The following CFAP54 variants were observed in gnomAD, a reference collection of about 807,000 sequenced individuals.
The protein encoded by CFAP54 is cilia and flagella associated protein 54.
CFAP54 carries 290 observed loss-of-function variants against 370.4 expected under a neutral mutation model. The ratio of observed to expected loss-of-function variants is 0.78; its 90% CI spans 0.71 to 0.86. The LOEUF (loss-of-function observed/expected upper bound fraction) is 0.86. Among genes scored for constraint, CFAP54 ranks in the 40% least tolerant of loss-of-function variants. The probability of loss-of-function intolerance (pLI) is 0.00; values close to 1 mark genes in which losing one functional copy is unlikely to be tolerated. For synonymous variants in CFAP54, 1,206 were observed against 1,236.5 expected, an observed-to-expected ratio of 0.98 and a Z score of 0.52; for missense variants, 3,399 against 3,528.7, an observed-to-expected ratio of 0.96 and a Z score of 0.93.
intron 60 of CFAP54, among the ~76,000 whole-genome samples, chr12:96,781,389 G>A (rs1462132409): frequency 6.6e-6 from 1 of 152,102 alleles, no homozygotes; most frequent in Non-Finnish European, 1.5e-5. Flanking sequence ...TTTGTGCTGA[G>A]AATTTTATCC....
intron 67 of CFAP54, among the ~76,000 whole-genome samples, chr12:96,870,836 TC>T (rs1960140435): frequency 6.6e-6 from 1 of 152,242 alleles, no homozygotes; most frequent in Non-Finnish European, 1.5e-5. Flanking sequence ...ATGTTTGAAG[TC>T]CCTGGGGAAT....
chr12:96,677,878 T>G (rs1200085897), intron 39 of CFAP54, among the ~76,000 whole-genome samples: 1 of 152,160 alleles, frequency 6.6e-6, no homozygotes, highest in African/African-American at 2.4e-5. Flanking sequence ...CCTGTGTTAC[T>G]TATTCCATCA....
At chr12:96,872,619 A>T (rs1243575207) in intron 67 of CFAP54, among the ~76,000 whole-genome samples, 1 of 152,204 alleles carries the variant, frequency 6.6e-6, no homozygotes, top group African/African-American at 2.4e-5. Context: ...ATGTGTTTCC[A>T]TTTAATGATG....
Position 96,619,900 on chromosome 12 carries a change from A to G in CFAP54, c.3640-1690A>G, listed in dbSNP as rs890276581. On this transcript the variant is annotated intron_variant, in intron 26 of 67. Coordinates refer to ENST00000524981, the MANE Select transcript of CFAP54 (RefSeq NM_001306084.2). ...TCAAGGTTTTGCATGACCTAACCCTACCTACCTATTCAAAATTTATTTTGG... is the reference window on the plus strand; with the variant it reads ...TCAAGGTTTTGCATGACCTAACCCTGCCTACCTATTCAAAATTTATTTTGG... 4.6e-5 allele frequency among the ~76,000 whole-genome samples: 7 copies of G among 152,174 alleles called. No individual in the cohort carries two copies. In the South Asian group the frequency reaches 1.4e-3, roughly 31 times the overall value.
At chr12:96,691,568 T>C (rs1957388857) in intron 44 of CFAP54, among the ~76,000 whole-genome samples, 1 of 152,190 alleles carries the variant, frequency 6.6e-6, no homozygotes, top group Admixed American at 6.5e-5. Context: ...TTAAGTTAGT[T>C]GGTGAAATTG....
chr12:96,812,087 C>T (rs1184337029), intron 64 of CFAP54, among the ~76,000 whole-genome samples: 2 of 152,148 alleles, frequency 1.3e-5, no homozygotes, highest in African/African-American at 4.8e-5. Flanking sequence ...GTTTATGTAA[C>T]CTCTGTACTT....
At chr12:96,860,133 AAT>A (rs1491415922) in intron 66 of CFAP54, among the ~76,000 whole-genome samples, 1 of 99,930 alleles carries the variant, frequency 1.0e-5, no homozygotes, top group Non-Finnish European at 1.8e-5. Flanking sequence ...CTTGTTCTCT[AAT>A]TTTTTTTTTT....
chr12:96,702,839 A>G (rs1190317253), intron 46 of CFAP54, among the ~76,000 whole-genome samples: 3 of 152,212 alleles, frequency 2.0e-5, no homozygotes, highest in African/African-American at 7.2e-5. Flanking sequence ...TTAATGAATT[A>G]AGTTTCACTT....
At chr12:96,722,527 G>A (rs538459356) in intron 50 of CFAP54, among the ~76,000 whole-genome samples, 1 of 152,288 alleles carries the variant, frequency 6.6e-6, no homozygotes, top group East Asian at 1.9e-4. Flanking sequence ...GGTAACTGGT[G>A]GACAAGGAGA....
Position 96,678,863 on chromosome 12 carries a change from A to G in CFAP54, c.5564-737A>G, listed in dbSNP as rs146368042. The stretch of plus-strand genomic sequence containing the variant: ...CTTCCAACTTACCATGTAAGTTGCT[A>G]TACTGTTAAGACCTTAGATTTTACA... On this transcript the variant is annotated intron_variant, in intron 39 of 67. Coordinates refer to ENST00000524981, the MANE Select transcript of CFAP54 (RefSeq NM_001306084.2). Among the ~76,000 whole-genome samples, 13 of 152,284 alleles carry G rather than the reference A, an allele frequency of 8.5e-5. 1 individual carries two copies. The highest frequency in any genetic ancestry group is 5.8e-4 in the East Asian group (3 of 5,184).
At chr12:96,864,341 T>A (rs747446659) in intron 67 of CFAP54, among the ~76,000 whole-genome samples, 1 of 152,110 alleles carries the variant, frequency 6.6e-6, no homozygotes, top group Non-Finnish European at 1.5e-5. Flanking sequence ...GTAATAAAAC[T>A]GCAGCACTTC....
chr12:96,699,988 T>C lies in CFAP54; in HGVS notation c.6369T>C (p.Asp2123=), dbSNP rs1254885578. 6.3e-7 allele frequency: 1 copy of C among 1,581,582 alleles called. No homozygotes were observed. Among genetic ancestry groups the C allele is most frequent in the Middle Eastern group, 1.7e-4 (1 of 5,960 alleles). Residue 2123 remains aspartate, a synonymous_variant, in exon 46 of 68, where the codon GAT becomes GAC. Transcript: ENST00000524981. The part of the protein sequence containing the change: ...ARILKIEVLI[D]LRFFSEAFYE... The stretch of plus-strand genomic sequence containing the variant: ...CTTTACAGATAGAAGTCCTTATAGA[T>C]TTGAGATTCTTTTCTGAAGCCTTTT...
At chr12:96,753,613 C>G (rs1335928789) in intron 55 of CFAP54, 130 bp from the exon 56 acceptor site, 2 of 848,784 alleles carry the variant, frequency 2.4e-6, no homozygotes, top group Non-Finnish European at 3.5e-6. Context: ...TTCTTGGATG[C>G]TAAAAACTGT....
chr12:96,738,895 C>T (rs7312177), intron 50 of CFAP54, among the ~76,000 whole-genome samples: 2,387 of 152,304 alleles, frequency 0.016, 73 homozygotes, highest in African/African-American at 0.053. Flanking sequence ...CAGGCGTGAG[C>T]CACTGCACCC....
chr12:96,749,168 T>G lies in CFAP54; in HGVS notation c.7685-4575T>G, dbSNP rs554810562. 1.2e-4 allele frequency among the ~76,000 whole-genome samples: 19 copies of G among 152,348 alleles called. No homozygotes were observed. The South Asian group carries it at 3.9e-3, about 32-fold the overall frequency. On this transcript the variant is annotated intron_variant, in intron 55 of 67. Coordinates refer to ENST00000524981, the MANE Select transcript of CFAP54 (RefSeq NM_001306084.2). ...GAGTTTGGGAAGTCCAAGAGAATAA[T>G]GGAGTAGTAGATTTGGTGTCTGGTG...
chr12:96,848,844 T>C (rs973649665), intron 66 of CFAP54, among the ~76,000 whole-genome samples: 3 of 152,256 alleles, frequency 2.0e-5, no homozygotes, highest in African/African-American at 7.2e-5. Context: ...CTTCACAAAG[T>C]GTGAAATTTC....
In CFAP54 at chr12:96,564,709, G is replaced by A; in HGVS notation, c.2563G>A (p.Ala855Thr). 1 of 632,772 alleles carries A rather than the reference G, an allele frequency of 1.6e-6. No homozygotes were observed. 39.2% of individuals were successfully genotyped at this position (632,772 alleles called of 1,614,324 possible). Residue 855 changes from alanine (A) to threonine (T), a missense_variant, in exon 19 of 68, where the codon GCT (alanine) becomes ACT (threonine). Transcript: ENST00000524981. ...CAAAGCAATTTACTTAATGCAGAAAGCTCTTTTAATATTCGAGAAAGATGC... is the reference window on the plus strand; with the variant it reads ...CAAAGCAATTTACTTAATGCAGAAAACTCTTTTAATATTCGAGAAAGATGC... Reference protein sequence around the residue: ...LSKAIYLMQKALLIFEKDATS... With the variant: ...LSKAIYLMQKTLLIFEKDATS...
intron 12 of CFAP54, 151 bp from the exon 13 acceptor site, chr12:96,538,233 G>C: frequency 1.7e-6 from 1 of 597,580 alleles, no homozygotes; most frequent in Non-Finnish European, 2.7e-6. Context: ...AAATGGGGAG[G>C]ATCATACTAG....
chr12:96,811,949 C>A, intron 64 of CFAP54, 107 bp downstream of exon 64: 1 of 598,964 alleles, frequency 1.7e-6, no homozygotes. Context: ...CTAAAAGGCA[C>A]TTCGCGAAGA....
Sources: gnomAD v4.1 joint callset for allele counts (sites outside exome capture counted in the v4.1 genomes callset) on GRCh38, gnomAD v4.1.1 for gene constraint, MANE v1.5 for transcripts, NCBI Gene and HGNC (gene_info 2026-07-23, HGNC 2026-07-21) for gene names.